The following ARHGAP36 variants were observed in gnomAD, a reference collection of about 807,000 sequenced individuals.
ARHGAP36 encodes rho GTPase-activating protein 36.
Under a neutral mutation model 32.9 loss-of-function variants are expected in ARHGAP36, and 7 were observed. The ratio of observed to expected loss-of-function variants is 0.21; its 90% CI spans 0.12 to 0.40. The LOEUF (loss-of-function observed/expected upper bound fraction) is 0.40, where lower values mean the gene tolerates loss of function less well. Ranked by LOEUF, ARHGAP36 falls within the 10% of genes least tolerant of loss-of-function variation. The pLI is 1.00. For missense variants in ARHGAP36, 383 were observed against 442.2 expected (o/e 0.87, Z 1.20); for synonymous variants, 165 against 168.3 (o/e 0.98, Z 0.15).
intron 11 of ARHGAP36, 130 bp from the exon 12 acceptor site, chrX:131,088,498 T>A (rs1022336264): frequency 1.7e-6 from 1 of 600,964 alleles, no homozygotes; most frequent in African/African-American, 2.3e-5. Context: ...CAAATGGGGA[T>A]AATCATCCCT....
Position 131,083,367 on chromosome X carries a change from G to T in ARHGAP36, c.319+137G>T, listed in dbSNP as rs2079815905. The stretch of plus-strand genomic sequence containing the variant: ...TCCTCAGCTCCCAAACCCCACAGTG[G>T]GTGATATCAGGAAATGGCGCAGTAG... On this transcript the variant is annotated intron_variant, in intron 3 of 11. Coordinates refer to ENST00000276211, the MANE Select transcript of ARHGAP36 (RefSeq NM_144967.4). 1.9e-5 allele frequency: 12 copies of T among 630,762 alleles called. No homozygotes were observed. In the South Asian group the frequency reaches 2.1e-4, roughly 11 times the overall value. 52.0% of individuals were successfully genotyped at this position (630,762 alleles called of 1,213,427 possible).
intron 1 of ARHGAP36, among the ~76,000 whole-genome samples, chrX:131,058,819 C>A (rs1485650419): frequency 8.8e-6 from 1 of 113,396 alleles, no homozygotes; most frequent in Non-Finnish European, 1.9e-5. Context: ...AAGCCAGGCC[C>A]CAGGGACCCT....
rs372924667 is a variant in ARHGAP36, at chrX:131,081,930, C to T, written c.253+12C>T. 167 of 1,206,730 alleles carry T rather than the reference C, an allele frequency of 1.4e-4. No individual in the cohort carries two copies. The highest frequency in any genetic ancestry group is 5.2e-4 in the Admixed American group (24 of 45,754). ...CAAACCTGACAGAGGTAAGCTGTAC[C>T]CCGGATTGTGGCATCCTCGCCTTCG... On this transcript the variant is annotated intron_variant, in intron 2 of 11. Coordinates refer to ENST00000276211, the MANE Select transcript of ARHGAP36 (RefSeq NM_144967.4).
At chrX:131,077,391 A>T (rs768267970) in intron 1 of ARHGAP36, among the ~76,000 whole-genome samples, 13 of 111,361 alleles carry the variant, frequency 1.2e-4, no homozygotes, top group African/African-American at 3.9e-4. Flanking sequence ...GATTTAAACC[A>T]TGGCATCAGT....
intron 1 of ARHGAP36, among the ~76,000 whole-genome samples, chrX:131,070,934 G>C (rs1180351561): frequency 9.2e-6 from 1 of 108,986 alleles, no homozygotes; most frequent in Non-Finnish European, 1.9e-5. Context: ...TTTCCTCTCC[G>C]GCGACACCCT....
intron 1 of ARHGAP36, 106 bp from the exon 2 acceptor site, chrX:131,081,418 C>T: frequency 1.7e-6 from 1 of 574,506 alleles, no homozygotes; most frequent in Non-Finnish European, 2.3e-6. Flanking sequence ...ATTTTTTCTT[C>T]TTATTTTCTC....
rs183449110 is a variant in ARHGAP36 at position 131,082,730 on chromosome X, G to T, written c.254-435G>T. Among the ~76,000 whole-genome samples, 459 of 113,149 alleles carry T rather than the reference G, an allele frequency of 4.1e-3. 5 individuals carry two copies. Among genetic ancestry groups the T allele is most frequent in the African/African-American group, 0.013 (421 of 31,231 alleles). ...GTGTCGCCGCTTCTCCTACCGCAGC[G>T]CAGGGAGCCGACGGCAACCTGGTGC... On this transcript the variant is annotated intron_variant, in intron 2 of 11. Transcript: ENST00000276211.
At chrX:131,086,448 T>G (rs2079836054) in intron 10 of ARHGAP36, 22 bp downstream of exon 10, 1 of 1,206,244 alleles carries the variant, frequency 8.3e-7, no homozygotes, top group Admixed American at 2.2e-5. Context: ...TTGGGTTTGT[T>G]TATGCTTAGC....
chrX:131,079,226 A>G (rs989909711), intron 1 of ARHGAP36, among the ~76,000 whole-genome samples: 1 of 111,914 alleles, frequency 8.9e-6, no homozygotes, highest in Non-Finnish European at 1.9e-5. Context: ...GCTATTTTGA[A>G]TGGGGAATTG....
Position 131,088,946 on chromosome X carries a change from A to G in ARHGAP36, c.*161A>G. On this transcript the variant is annotated 3_prime_UTR_variant, in exon 12 of 12. Transcript: ENST00000276211. Reference sequence around the variant, plus strand: ...GGATGAGAATTCCAAACACACTGCCAGCCCCTTCACTGGGGATGCTTGGTC... The same window carrying G: ...GGATGAGAATTCCAAACACACTGCCGGCCCCTTCACTGGGGATGCTTGGTC... 6 of 746,390 alleles carry G rather than the reference A, an allele frequency of 8.0e-6. No homozygotes were observed. Among genetic ancestry groups the G allele is most frequent in the Non-Finnish European group, 1.1e-5 (6 of 541,409 alleles). The allele number at this position is 746,390 out of a possible 1,213,427, so 61.5% of individuals were successfully genotyped here.
chrX:131,068,976 G>A, intron 1 of ARHGAP36, among the ~76,000 whole-genome samples: 1 of 112,124 alleles, frequency 8.9e-6, no homozygotes, highest in East Asian at 2.8e-4. Context: ...CTGCAGCCTA[G>A]CACTGGCTCG....
intron 3 of ARHGAP36, 82 bp downstream of exon 3, chrX:131,083,312 G>T (rs534314383): frequency 5.1e-6 from 5 of 984,148 alleles, no homozygotes; most frequent in Non-Finnish European, 7.0e-6. Context: ...ATTGGAGACT[G>T]GGTGGCGTCC....
chrX:131,080,119 G>A (rs779677662), intron 1 of ARHGAP36, among the ~76,000 whole-genome samples: 96 of 111,875 alleles, frequency 8.6e-4, no homozygotes, highest in Non-Finnish European at 1.3e-3. Context: ...CTTTAAGCTG[G>A]CTTATAGGGC....
intron 1 of ARHGAP36, among the ~76,000 whole-genome samples, chrX:131,065,946 G>C (rs778790115): frequency 8.9e-6 from 1 of 112,108 alleles, no homozygotes; most frequent in Admixed American, 9.4e-5. Context: ...TGACCTCTTT[G>C]CAGCAGTCTA....
At chrX:131,081,052 T>C (rs184609831) in intron 1 of ARHGAP36, among the ~76,000 whole-genome samples, 20 of 111,798 alleles carry the variant, frequency 1.8e-4, no homozygotes, top group African/African-American at 6.2e-4. Flanking sequence ...GGGCTAGCTT[T>C]TTTTCCCTTT....
At chrX:131,079,562 G>GTT (rs11417328) in intron 1 of ARHGAP36, among the ~76,000 whole-genome samples, 11,739 of 92,967 alleles carry the variant, frequency 0.13, 760 homozygotes, top group Non-Finnish European at 0.17. Flanking sequence ...TTTGTTTTTT[G>GTT]TTTTTTTTTT....
intron 1 of ARHGAP36, among the ~76,000 whole-genome samples, chrX:131,065,803 G>A (rs1267082362): frequency 2.7e-5 from 3 of 111,820 alleles, no homozygotes; most frequent in Non-Finnish European, 3.8e-5. Flanking sequence ...TTTCATCCAC[G>A]CACCAGGCTC....
chrX:131,081,772 G>A lies in ARHGAP36; in HGVS notation c.107G>A (p.Gly36Glu). The A allele has an allele frequency of 1.7e-6, 2 of 1,211,928 alleles. No homozygotes were observed. Among genetic ancestry groups the A allele is most frequent in the Non-Finnish European group, 2.2e-6 (2 of 895,591 alleles). The change falls in exon 2 of 12, where the codon GGA becomes GAA. Residue 36 changes from glycine to glutamate, a missense_variant. Transcript: ENST00000276211. ...SAFIFLVSVLGGAPGHNPDRR... is the reference protein window; with the variant it reads ...SAFIFLVSVLEGAPGHNPDRR... ...TTCATTTTTTTAGTGAGTGTCTTGG[G>A]AGGAGCCCCAGGACACAACCCCGAC...
chrX:131,067,492 C>A (rs994781311), intron 1 of ARHGAP36, among the ~76,000 whole-genome samples: 1 of 113,097 alleles, frequency 8.8e-6, no homozygotes, highest in Non-Finnish European at 1.9e-5. Context: ...CGAACCCCCA[C>A]GGTGAAGATC....
Sources: gnomAD v4.1 joint callset for allele counts (sites outside exome capture counted in the v4.1 genomes callset) on GRCh38, gnomAD v4.1.1 for gene constraint, MANE v1.5 for transcripts, NCBI Gene and HGNC (gene_info 2026-07-23, HGNC 2026-07-21) for gene names.